UBR3: variants seen among roughly 807,000 people sequenced by gnomAD.
UBR3 encodes the protein ubiquitin protein ligase E3 component n-recognin 3, also known as E3 ubiquitin-protein ligase UBR3.
Under a neutral mutation model 243.2 loss-of-function variants are expected in UBR3, and 85 were observed. The observed-to-expected ratio is 0.35, with a 90% CI of 0.29 to 0.42. The LOEUF (loss-of-function observed/expected upper bound fraction) is 0.42, where lower values mean the gene tolerates loss of function less well. UBR3 is among the 10% of genes least tolerant of loss of function. The pLI, the probability that UBR3 is intolerant of heterozygous loss-of-function variation, is 1.00. For synonymous variants in UBR3, 748 were observed against 799.8 expected, an observed-to-expected ratio of 0.94 and a Z score of 1.09; for missense variants, 1,686 against 2,300.8, an observed-to-expected ratio of 0.73 and a Z score of 5.47.
chr2:170,053,093 A>AAC, intron 32 of UBR3, among the ~76,000 whole-genome samples: 1 of 152,306 alleles, frequency 6.6e-6, no homozygotes, highest in East Asian at 1.9e-4. Context: ...GGAAAGAATT[A>AAC]ACATAGAAGG....
chr2:169,995,549 A>G (rs1317180308), intron 26 of UBR3, among the ~76,000 whole-genome samples: 1 of 152,228 alleles, frequency 6.6e-6, no homozygotes, highest in Non-Finnish European at 1.5e-5. Flanking sequence ...TTAAAGTCAC[A>G]GTTTCCAAGA....
chr2:169,838,188 T>C (rs2082168802), intron 1 of UBR3, among the ~76,000 whole-genome samples: 1 of 152,224 alleles, frequency 6.6e-6, no homozygotes, highest in South Asian at 2.1e-4. Context: ...ATGTTCATTG[T>C]AACACTGAAA....
chr2:169,941,716 A>G (rs376661354), intron 19 of UBR3, among the ~76,000 whole-genome samples: 2 of 152,118 alleles, frequency 1.3e-5, no homozygotes, highest in Non-Finnish European at 2.9e-5. Flanking sequence ...GTATGTAGAG[A>G]GTTTGTTATT....
intron 1 of UBR3, among the ~76,000 whole-genome samples, chr2:169,853,193 C>G (rs555283459): frequency 6.6e-6 from 1 of 152,098 alleles, no homozygotes; most frequent in African/African-American, 2.4e-5. Context: ...AGCTGCAATA[C>G]GGAACCCAGG....
chr2:169,875,451 C>T (rs1304105602), intron 2 of UBR3, among the ~76,000 whole-genome samples: 1 of 152,168 alleles, frequency 6.6e-6, no homozygotes, highest in Admixed American at 6.5e-5. Context: ...GCCTCAGACT[C>T]CTGAGTAGCT....
chr2:170,014,699 G>A (rs1281624342), intron 29 of UBR3: 2 of 152,406 alleles, frequency 1.3e-5, no homozygotes, highest in African/African-American at 4.8e-5. Context: ...TAGTTACACA[G>A]TGTATTTTAA....
rs184774827 is a variant in UBR3 at position 169,857,137 on chromosome 2, G to A, written c.546-15099G>A. Among the ~76,000 whole-genome samples, 281 of 127,592 alleles carry A rather than the reference G, an allele frequency of 2.2e-3. 3 individuals carry two copies. Among genetic ancestry groups the A allele is most frequent in the African/African-American group, 8.1e-3 (265 of 32,612 alleles). The allele number at this position is 127,592 out of a possible 152,430, so 83.7% of individuals were successfully genotyped here. On this transcript the variant is annotated intron_variant, in intron 1 of 38. Coordinates refer to ENST00000272793, the MANE Select transcript of UBR3 (RefSeq NM_172070.4). Reference sequence around the variant, plus strand: ...CTCCCAGGCTAGAGTGCAGTGGTGCGATCTAGGCTCACTGTAACCTCTGCC... The same window carrying A: ...CTCCCAGGCTAGAGTGCAGTGGTGCAATCTAGGCTCACTGTAACCTCTGCC...
Position 169,949,876 on chromosome 2 carries a change from T to A in UBR3, c.3356T>A (p.Ile1119Asn), listed in dbSNP as rs1480141405. The part of the protein sequence containing the change: ...PPWLDDIEIL[I>N]QPEIPKYSHG... ...TGGCTTGATGACATAGAAATTTTAATCCAACCAGAAATTCCTAAATACAGT... is the reference window on the plus strand; with the variant it reads ...TGGCTTGATGACATAGAAATTTTAAACCAACCAGAAATTCCTAAATACAGT... Residue 1119 changes from isoleucine (I) to asparagine (N), a missense_variant, in exon 23 of 39, where the codon ATC becomes AAC. Physicochemically the swap from Ile to Asn is moderately radical, Grantham distance 149. This residue lies in a region of UBR3 where 300 missense variants were observed against 314.4 expected (regional missense o/e 0.95). Transcript: ENST00000272793. The A allele has an allele frequency of 3.1e-6, 5 of 1,604,436 alleles. No homozygotes were observed. The Middle Eastern group carries it at 6.6e-4, about 212-fold the overall frequency.
At chr2:170,065,793 C>T (rs1445936381) in intron 35 of UBR3, among the ~76,000 whole-genome samples, 1 of 151,930 alleles carries the variant, frequency 6.6e-6, no homozygotes, top group Admixed American at 6.6e-5. Context: ...TGCCTTTTTA[C>T]TATTTTAGGT....
intron 35 of UBR3, among the ~76,000 whole-genome samples, chr2:170,068,541 C>T (rs754478593): frequency 1.3e-5 from 2 of 151,982 alleles, no homozygotes; most frequent in South Asian, 2.1e-4. Flanking sequence ...TAAGTTTCTA[C>T]CATATGAAGC....
intron 24 of UBR3, among the ~76,000 whole-genome samples, chr2:169,969,476 C>T (rs2087984395): frequency 1.3e-5 from 2 of 151,572 alleles, no homozygotes; most frequent in African/African-American, 4.8e-5. Flanking sequence ...GTTTTTGGTA[C>T]CTTTGTTGAA....
intron 1 of UBR3, among the ~76,000 whole-genome samples, chr2:169,829,325 G>A (rs1439761259): frequency 1.3e-5 from 2 of 152,026 alleles, no homozygotes; most frequent in Admixed American, 1.3e-4. Flanking sequence ...GGAGGGAGAT[G>A]AGGTTTCTGT....
intron 16 of UBR3, 79 bp downstream of exon 16, chr2:169,927,050 T>G: frequency 6.8e-7 from 1 of 1,470,538 alleles, no homozygotes; most frequent in Non-Finnish European, 9.1e-7. Context: ...GTAACTGGCT[T>G]AGGGAAAAAA....
intron 32 of UBR3, 110 bp downstream of exon 32, chr2:170,041,095 C>A: frequency 9.5e-7 from 1 of 1,054,374 alleles, no homozygotes; most frequent in Non-Finnish European, 1.4e-6. Context: ...GTAATCCCCG[C>A]ACTTTAGGAG....
chr2:169,985,393 C>A (rs1320080702), intron 24 of UBR3, among the ~76,000 whole-genome samples: 1 of 151,590 alleles, frequency 6.6e-6, no homozygotes, highest in African/African-American at 2.4e-5. Flanking sequence ...CATGCCTGCC[C>A]AATTTTTTGT....
chr2:169,840,332 C>G (rs776248551), intron 1 of UBR3, among the ~76,000 whole-genome samples: 3 of 152,166 alleles, frequency 2.0e-5, no homozygotes, highest in Non-Finnish European at 4.4e-5. Context: ...AAGTTATTTC[C>G]TTGAAATGCA....
At chr2:169,869,329 C>T (rs1438572604) in intron 1 of UBR3, among the ~76,000 whole-genome samples, 1 of 141,322 alleles carries the variant, frequency 7.1e-6, no homozygotes, top group Non-Finnish European at 1.5e-5. Flanking sequence ...TCAAGTGATT[C>T]TCCTGCCTCA....
chr2:169,971,594 A>C (rs919347966), intron 24 of UBR3, among the ~76,000 whole-genome samples: 6 of 152,070 alleles, frequency 3.9e-5, no homozygotes, highest in Non-Finnish European at 5.9e-5. Context: ...TCCTTTCCCC[A>C]TTGCTTGTTT....
chr2:169,885,599 C>A (rs1305615236), intron 5 of UBR3, among the ~76,000 whole-genome samples: 1 of 151,164 alleles, frequency 6.6e-6, no homozygotes. Context: ...AAAAAAAAAA[C>A]AAAAAGAAAA....
Sources: gnomAD v4.1 joint callset for allele counts (sites outside exome capture counted in the v4.1 genomes callset) on GRCh38, gnomAD v4.1.1 for gene constraint, gnomAD v4.1.1 regional missense constraint, MANE v1.5 for transcripts, NCBI Gene and HGNC (gene_info 2026-07-23, HGNC 2026-07-21) for gene names.